CCDC192: variants seen among roughly 807,000 people sequenced by gnomAD.
The protein encoded by CCDC192 is coiled-coil domain containing 192.
At chr5:127,786,317 C>A in intron 3 of CCDC192, 1 of 623,632 alleles carries the variant, frequency 1.6e-6, no homozygotes, top group Non-Finnish European at 3.0e-6. Flanking sequence ...CTCTCTGTGA[C>A]ATAAAATCTC....
intron 5 of CCDC192, among the ~76,000 whole-genome samples, chr5:127,821,229 T>C (rs1749274998): frequency 6.6e-6 from 1 of 152,230 alleles, no homozygotes; most frequent in Admixed American, 6.5e-5. Context: ...GCTACTGATG[T>C]TAGATCAACC....
rs946997552 is a variant in CCDC192, at chr5:127,836,994, G to A, written c.412-38544G>A. Among the ~76,000 whole-genome samples, 5 of 81,800 alleles carry A rather than the reference G, an allele frequency of 6.1e-5. 1 individual carries two copies. The highest frequency in any genetic ancestry group is 2.0e-4 in the African/African-American group (5 of 24,708). The allele number at this position is 81,800 out of a possible 152,430, so 53.7% of individuals were successfully genotyped here. ...TTCTTTTCTACTATATGGTCATGCT[G>A]CAAATATTCTAAACCTTTATACTCT... On this transcript the variant is annotated intron_variant, in intron 5 of 6. Coordinates refer to ENST00000514853, the MANE Select transcript of CCDC192 (RefSeq NM_001317938.2).
At chr5:127,728,473 A>G (rs775159883) in intron 2 of CCDC192, among the ~76,000 whole-genome samples, 18 of 152,208 alleles carry the variant, frequency 1.2e-4, no homozygotes, top group Non-Finnish European at 2.5e-4. Flanking sequence ...AGGAAATAAA[A>G]TCCTTTTCAG....
chr5:127,740,704 A>G (rs1159381835), intron 2 of CCDC192, among the ~76,000 whole-genome samples: 1 of 152,210 alleles, frequency 6.6e-6, no homozygotes, highest in African/African-American at 2.4e-5. Context: ...ATTTGCTATT[A>G]ATTTTACACA....
chr5:127,767,969 G>A (rs1048750808), intron 3 of CCDC192, among the ~76,000 whole-genome samples: 6 of 152,096 alleles, frequency 3.9e-5, no homozygotes, highest in African/African-American at 9.7e-5. Context: ...TAAAGATAAG[G>A]TCGGCAGGGT....
chr5:127,919,043 A>G (rs1753621151), intron 6 of CCDC192, among the ~76,000 whole-genome samples: 1 of 147,430 alleles, frequency 6.8e-6, no homozygotes, highest in African/African-American at 2.5e-5. Context: ...ATGTGTGTAT[A>G]TATCTGTGTG....
intron 2 of CCDC192, among the ~76,000 whole-genome samples, chr5:127,713,585 T>C (rs1751459262): frequency 6.6e-6 from 1 of 152,228 alleles, no homozygotes; most frequent in South Asian, 2.1e-4. Context: ...TATCAATTTG[T>C]ATTTTCATGG....
intron 5 of CCDC192, among the ~76,000 whole-genome samples, chr5:127,799,590 C>T (rs986952932): frequency 4.6e-5 from 7 of 152,124 alleles, no homozygotes; most frequent in Non-Finnish European, 1.0e-4. Flanking sequence ...ATATGGAGGG[C>T]AAATGTATTC....
intron 5 of CCDC192, among the ~76,000 whole-genome samples, chr5:127,844,227 A>G (rs751680743): frequency 6.6e-4 from 101 of 152,368 alleles, no homozygotes; most frequent in Admixed American, 1.5e-3. Flanking sequence ...GCAGCAGGCA[A>G]TGAATACATT....
At chr5:127,761,406 T>G (rs1754922231) in intron 3 of CCDC192, among the ~76,000 whole-genome samples, 1 of 152,176 alleles carries the variant, frequency 6.6e-6, no homozygotes, top group Non-Finnish European at 1.5e-5. Flanking sequence ...TTAAATACTT[T>G]GCTGGGCCAC....
chr5:127,896,817 G>T (rs558595537), intron 6 of CCDC192, among the ~76,000 whole-genome samples: 1 of 152,132 alleles, frequency 6.6e-6, no homozygotes, highest in South Asian at 2.1e-4. Flanking sequence ...TATAATGACT[G>T]GTATAGCACA....
intron 6 of CCDC192, among the ~76,000 whole-genome samples, chr5:127,904,700 C>G (rs946457548): frequency 1.3e-5 from 2 of 151,984 alleles, no homozygotes; most frequent in Non-Finnish European, 2.9e-5. Flanking sequence ...AGGGGTATCA[C>G]TATGTTGGCC....
At chr5:127,888,893 CT>C in intron 6 of CCDC192, among the ~76,000 whole-genome samples, 1 of 151,970 alleles carries the variant, frequency 6.6e-6, no homozygotes, top group East Asian at 1.9e-4. Flanking sequence ...ATAGCCATAA[CT>C]TTTCCTTGTA....
intron 2 of CCDC192, among the ~76,000 whole-genome samples, chr5:127,725,696 A>C (rs1206130465): frequency 6.6e-6 from 1 of 152,186 alleles, no homozygotes; most frequent in African/African-American, 2.4e-5. Context: ...AGCTTGCTGT[A>C]GCTCTTTATA....
intron 5 of CCDC192, among the ~76,000 whole-genome samples, chr5:127,849,406 A>C (rs973596884): frequency 6.6e-6 from 1 of 152,032 alleles, no homozygotes; most frequent in East Asian, 1.9e-4. Flanking sequence ...CTGATCTAGG[A>C]TGATCTCCAG....
At chr5:127,745,759 T>C (rs947383572) in intron 2 of CCDC192, among the ~76,000 whole-genome samples, 11 of 152,212 alleles carry the variant, frequency 7.2e-5, no homozygotes, top group African/African-American at 2.4e-4. Flanking sequence ...ATTAGTATTA[T>C]TCACTTGCAA....
chr5:127,811,855 T>C (rs790480), intron 5 of CCDC192, among the ~76,000 whole-genome samples: 99,221 of 152,034 alleles, frequency 0.65, 33,183 homozygotes, highest in Middle Eastern at 0.75. Context: ...TCCCCAGCCT[T>C]TCCTCACACT....
At chr5:127,884,392 CA>C (rs372054209) in intron 6 of CCDC192, among the ~76,000 whole-genome samples, 8,256 of 101,562 alleles carry the variant, frequency 0.081, 729 homozygotes, top group African/African-American at 0.23. Context: ...GACTGCATCT[CA>C]AAAAAAAAAA....
chr5:127,935,643 G>C (rs778639283), intron 6 of CCDC192: 1 of 152,194 alleles, frequency 6.6e-6, no homozygotes, highest in Non-Finnish European at 1.5e-5. Context: ...ATGCCCCACT[G>C]TTTTCCCAGT....
Sources: gnomAD v4.1 joint callset for allele counts (sites outside exome capture counted in the v4.1 genomes callset) on GRCh38, gnomAD v4.1.1 for gene constraint, MANE v1.5 for transcripts, NCBI Gene and HGNC (gene_info 2026-07-23, HGNC 2026-07-21) for gene names.